DDX5: variants seen among roughly 807,000 people sequenced by gnomAD.
The protein encoded by DDX5 is DEAD-box helicase 5, also known as probable ATP-dependent RNA helicase DDX5.
In DDX5, 6 loss-of-function variants were observed where a neutral mutation model predicts 68.6. The ratio of observed to expected loss-of-function variants is 0.09; its 90% CI spans 0.05 to 0.17. DDX5 has a LOEUF of 0.17. Among genes scored for constraint, DDX5 ranks in the 10% least tolerant of loss-of-function variants. The pLI, the probability that DDX5 is intolerant of heterozygous loss-of-function variation, is 1.00. For synonymous variants in DDX5, 350 were observed against 247.0 expected, an observed-to-expected ratio of 1.42 and a Z score of -3.91; for missense variants, 499 against 756.1, an observed-to-expected ratio of 0.66 and a Z score of 3.99.
At chr17:64,503,904 C>T in intron 4 of DDX5, 36 bp from the exon 5 acceptor site, 2 of 1,613,578 alleles carry the variant, frequency 1.2e-6, no homozygotes, top group Non-Finnish European at 8.5e-7. Flanking sequence ...ACAGAAATCA[C>T]ATTAAAATAC....
At position 64,503,000 on chromosome 17, in the gene DDX5, A is replaced by T; in HGVS notation, c.909T>A (p.Gly303=). 1 of 1,614,082 alleles carries T rather than the reference A, an allele frequency of 6.2e-7. No homozygotes were observed. The highest frequency in any genetic ancestry group is 8.5e-7 in the Non-Finnish European group (1 of 1,179,972). The change falls in exon 8 of 13, where the codon GGT becomes GGA. Residue 303 remains glycine, a synonymous_variant. Transcript: ENST00000225792. ...TGTGGTTTGCACTCAGTTCAAGTGCACCAATGTTTATATGAATATAGTCTT... is the reference window on the plus strand; with the variant it reads ...TGTGGTTTGCACTCAGTTCAAGTGCTCCAATGTTTATATGAATATAGTCTT... ...FLKDYIHINI[G]ALELSANHNI...
rs1372158759 is a variant in DDX5, at chr17:64,499,236, A to G, written c.*687T>C. Among the ~76,000 whole-genome samples the G allele has an allele frequency of 1.3e-5, 2 of 152,190 alleles. No individual in the cohort carries two copies. The highest frequency in any genetic ancestry group is 2.9e-5 in the Non-Finnish European group (2 of 68,034). On this transcript the variant is annotated 3_prime_UTR_variant, in exon 13 of 13. Transcript: ENST00000225792. ...CCAGTTATTTGGAGCTTTTTAAATT[A>G]TAAACTTTGAAAAAGTCACCCACGT...
At position 64,501,810 on chromosome 17, in the gene DDX5, G is replaced by A. The variant is rs1342103815; in HGVS notation, c.1216+200C>T. On this transcript the variant is annotated intron_variant, in intron 11 of 12. Coordinates refer to ENST00000225792, the MANE Select transcript of DDX5 (RefSeq NM_004396.5). Reference sequence around the variant, plus strand: ...GCTTTTTCACCTCTCTAATCGACTGGAAGCAGCCAGCCGATCACTAGTCCT... The same window carrying A: ...GCTTTTTCACCTCTCTAATCGACTGAAAGCAGCCAGCCGATCACTAGTCCT... 39 of 603,802 alleles carry A rather than the reference G, an allele frequency of 6.5e-5. No homozygotes were observed. The Admixed American group carries it at 1.0e-3, about 16-fold the overall frequency. 37.4% of individuals were successfully genotyped at this position (603,802 alleles called of 1,614,324 possible). A position where few individuals can be genotyped will look rare whatever the true frequency, so the allele number is the denominator to read the frequency against.
chr17:64,505,794 A>C (rs1568109108), intron 1 of DDX5: 2 of 1,536,118 alleles, frequency 1.3e-6, no homozygotes, highest in Non-Finnish European at 1.7e-6. Flanking sequence ...TTTCATCCGC[A>C]CAATACGCTC....
chr17:64,504,281 G>A lies in DDX5; in HGVS notation c.248C>T (p.Thr83Ile). The A allele has an allele frequency of 6.2e-7, 1 of 1,614,056 alleles. No homozygotes were observed. The highest frequency in any genetic ancestry group is 1.7e-5 in the Admixed American group (1 of 60,016). ...VETYRRSKEI[T>I]VRGHNCPKPV... ...CTTCGGGCAGTTGTGACCTCTAACT[G>A]TAATTTCCTTGCTTCTTCTGTATGT... The change falls in exon 3 of 13, where the codon ACA becomes ATA. Residue 83 changes from threonine (T) to isoleucine (I), a missense_variant. By Grantham distance (89) the Thr-to-Ile change is moderately conservative. Coordinates refer to ENST00000225792, the MANE Select transcript of DDX5 (RefSeq NM_004396.5).
chr17:64,500,510 G>A, intron 12 of DDX5, 39 bp downstream of exon 12: 1 of 1,579,962 alleles, frequency 6.3e-7, no homozygotes, highest in Non-Finnish European at 8.7e-7. Flanking sequence ...ACAACGATGT[G>A]ACTCGTAACT....
In DDX5 at chr17:64,500,741, C is replaced by A; in HGVS notation, c.1249G>T (p.Asp417Tyr). Reference protein sequence around the residue: ...VEDVKFVINYDYPNSSEDYIH... With the variant: ...VEDVKFVINYYYPNSSEDYIH... ...TAATCCTCTGAGGAGTTAGGGTAGTCATAATTGATGACAAATTTCACATCT... is the reference window on the plus strand; with the variant it reads ...TAATCCTCTGAGGAGTTAGGGTAGTAATAATTGATGACAAATTTCACATCT... The change falls in exon 12 of 13, where the codon GAC becomes TAC. Residue 417 changes from aspartate to tyrosine, a missense_variant. Transcript: ENST00000225792. 1 of 1,614,122 alleles carries A rather than the reference C, an allele frequency of 6.2e-7. No individual in the cohort carries two copies. Among genetic ancestry groups the A allele is most frequent in the South Asian group, 1.1e-5 (1 of 91,082 alleles).
upstream of DDX5, chr17:64,506,852 C>A: frequency 1.6e-6 from 1 of 609,256 alleles, no homozygotes; most frequent in Non-Finnish European, 3.0e-6. Flanking sequence ...GGGTTTTGGT[C>A]GGCGGAGAAT....
In DDX5 at chr17:64,499,876, T is replaced by TA; in HGVS notation, c.*46dup. On this transcript the variant is annotated 3_prime_UTR_variant, in exon 13 of 13. Transcript: ENST00000225792. Reference sequence around the variant, plus strand: ...CTATCTTGTCAGATAACACACAATATAAAGAGCAATTATGAAAAACAGACA... The same window carrying TA: ...CTATCTTGTCAGATAACACACAATATAAAAGAGCAATTATGAAAAACAGACA... 6.7e-7 allele frequency: 1 copy of TA among 1,494,068 alleles called. No individual in the cohort carries two copies. The allele number at this position is 1,494,068 out of a possible 1,614,324, so 92.6% of individuals were successfully genotyped here. A position where few individuals can be genotyped will look rare whatever the true frequency, so the allele number is the denominator to read the frequency against.
intron 1 of DDX5, 105 bp downstream of exon 1, chr17:64,505,971 C>A: frequency 2.6e-6 from 4 of 1,540,522 alleles, no homozygotes; most frequent in Non-Finnish European, 3.5e-6. Flanking sequence ...CCAAGATAGC[C>A]CGGAAAGGCC....
In DDX5 at chr17:64,504,487, T is replaced by C. The variant is rs73993949; in HGVS notation, c.211-169A>G. The C allele has an allele frequency of 3.1e-3, 2,828 of 915,366 alleles. 53 individuals carry two copies. In the African/African-American group the frequency reaches 0.043, roughly 14 times the overall value. The allele number at this position is 915,366 out of a possible 1,614,324, so 56.7% of individuals were successfully genotyped here. On this transcript the variant is annotated intron_variant, in intron 2 of 12. Transcript: ENST00000225792. Reference sequence around the variant, plus strand: ...TTATGAAAAAAAAAATTTATTGTTATACTCAACCTAATTTAAGTAAAAATC... The same window carrying C: ...TTATGAAAAAAAAAATTTATTGTTACACTCAACCTAATTTAAGTAAAAATC...
chr17:64,505,999 C>A lies in DDX5; in HGVS notation c.44+77G>T, dbSNP rs565385533. 8.4e-6 allele frequency: 13 copies of A among 1,542,318 alleles called. No homozygotes were observed. The Admixed American group carries it at 2.2e-4, about 26-fold the overall frequency. ...GAAAGGCCAAGTCCAAGCCGCAAAGCCCCCGCCGGCCGCCACCCTGACCCG... is the reference window on the plus strand; with the variant it reads ...GAAAGGCCAAGTCCAAGCCGCAAAGACCCCGCCGGCCGCCACCCTGACCCG... On this transcript the variant is annotated intron_variant, in intron 1 of 12. Coordinates refer to ENST00000225792, the MANE Select transcript of DDX5 (RefSeq NM_004396.5).
In DDX5 at chr17:64,500,783, G is replaced by A. The variant is rs782093761; in HGVS notation, c.1217-10C>T. ...TTCACATCTTCCACATCTGTAAGGTGTTGCAGTGTGGCAAAATAGCAATGT... is the reference window on the plus strand; with the variant it reads ...TTCACATCTTCCACATCTGTAAGGTATTGCAGTGTGGCAAAATAGCAATGT... On this transcript the variant is annotated splice_polypyrimidine_tract_variant and intron_variant, in intron 11 of 12. Coordinates refer to ENST00000225792, the MANE Select transcript of DDX5 (RefSeq NM_004396.5). 1.2e-6 allele frequency: 2 copies of A among 1,602,262 alleles called. No homozygotes were observed. Among genetic ancestry groups the A allele is most frequent in the Admixed American group, 1.7e-5 (1 of 60,014 alleles).
intron 8 of DDX5, 88 bp downstream of exon 8, chr17:64,502,836 AAT>A: frequency 7.6e-7 from 1 of 1,315,072 alleles, no homozygotes; most frequent in Middle Eastern, 2.6e-4. Context: ...CACCAACTGA[AAT>A]AACCTAAAAC....
At chr17:64,504,566 G>C (rs1376509455) in intron 2 of DDX5, 111 bp downstream of exon 2, 1 of 1,317,180 alleles carries the variant, frequency 7.6e-7, no homozygotes, top group Non-Finnish European at 1.0e-6. Context: ...TATGAAGTCA[G>C]AACATGTAAC....
At chr17:64,503,594 C>T in intron 5 of DDX5, 23 bp from the exon 6 acceptor site, 1 of 1,612,152 alleles carries the variant, frequency 6.2e-7, no homozygotes, top group South Asian at 1.1e-5. Flanking sequence ...AAACAGCTTT[C>T]AGCACAAACC....
At chr17:64,504,518 G>A (rs1555671753) in intron 2 of DDX5, 159 bp downstream of exon 2, 2 of 1,029,370 alleles carry the variant, frequency 1.9e-6, no homozygotes, top group Admixed American at 2.9e-5. Context: ...AAATCCCAAA[G>A]CCACCTATAT....
intron 1 of DDX5, chr17:64,505,512 T>C: frequency 1.7e-6 from 1 of 600,668 alleles, no homozygotes; most frequent in East Asian, 2.8e-5. Flanking sequence ...CCCCTTTGTC[T>C]CGCATTTCTC....
At position 64,504,207 on chromosome 17, in the gene DDX5, A is replaced by T; in HGVS notation, c.307+15T>A. ...ACAAAAACACGGGTAGGTAGAACTGAAAAGTAGCACTTACCAGGGAAATTG... is the reference window on the plus strand; with the variant it reads ...ACAAAAACACGGGTAGGTAGAACTGTAAAGTAGCACTTACCAGGGAAATTG... On this transcript the variant is annotated intron_variant, in intron 3 of 12. Transcript: ENST00000225792. 1 of 1,613,666 alleles carries T rather than the reference A, an allele frequency of 6.2e-7. No homozygotes were observed. Among genetic ancestry groups the T allele is most frequent in the Non-Finnish European group, 8.5e-7 (1 of 1,179,544 alleles).
Sources: allele counts gnomAD v4.1 joint callset (sites outside exome capture counted in the v4.1 genomes callset), GRCh38; gene constraint gnomAD v4.1.1; transcripts MANE v1.5; gene names NCBI Gene and HGNC (gene_info 2026-07-23, HGNC 2026-07-21).